Variants in ZNG1B observed in about 807,000 individuals in gnomAD.
ZNG1B encodes zinc-regulated GTPase metalloprotein activator 1B.
the ZNG1B span, among the ~76,000 whole-genome samples, chr2:113,490,313 C>T: frequency 6.6e-6 from 1 of 152,054 alleles, no homozygotes; most frequent in African/African-American, 2.4e-5. Flanking sequence ...AACTGAATGA[C>T]AATAGTGACA....
At chr2:113,480,346 A>G in the ZNG1B span, among the ~76,000 whole-genome samples, 3 of 151,660 alleles carry the variant, frequency 2.0e-5, no homozygotes, top group Admixed American at 6.6e-5. Context: ...GGCTCTCGCT[A>G]CGTTGCTCAG....
the ZNG1B span, among the ~76,000 whole-genome samples, chr2:113,458,365 T>C: frequency 6.6e-6 from 1 of 152,084 alleles, no homozygotes; most frequent in Non-Finnish European, 1.5e-5. Flanking sequence ...ATTTTTTAAA[T>C]GTTTGTATGG....
chr2:113,442,729 T>C, the ZNG1B span, among the ~76,000 whole-genome samples: 1 of 152,176 alleles, frequency 6.6e-6, no homozygotes, highest in East Asian at 1.9e-4. Context: ...GCAACCTCTT[T>C]AGAAGCTCTT....
chr2:113,476,403 CAA>C, the ZNG1B span, among the ~76,000 whole-genome samples: 5 of 150,054 alleles, frequency 3.3e-5, no homozygotes, highest in Non-Finnish European at 5.9e-5. Context: ...AAATTTTTTT[CAA>C]AGTTTTCAAC....
the ZNG1B span, chr2:113,438,081 G>A: frequency 1.9e-6 from 3 of 1,608,144 alleles, no homozygotes; most frequent in Non-Finnish European, 1.7e-6. Flanking sequence ...GATTTTGCGG[G>A]CTGCCGGTGC....
At chr2:113,482,051 T>C in the ZNG1B span, 1 of 995,532 alleles carries the variant, frequency 1.0e-6, no homozygotes, top group South Asian at 1.6e-5. Flanking sequence ...CTTGTAAAAT[T>C]GGAATTACAG....
chr2:113,453,060 G>A, the ZNG1B span: 11 of 1,488,978 alleles, frequency 7.4e-6, no homozygotes, highest in Non-Finnish European at 1.0e-5. Context: ...ATTTTATCAG[G>A]GCAAATTAAA....
At chr2:113,471,838 T>C in the ZNG1B span, among the ~76,000 whole-genome samples, 1 of 151,968 alleles carries the variant, frequency 6.6e-6, no homozygotes, top group Non-Finnish European at 1.5e-5. Flanking sequence ...CTGCATAGTA[T>C]TCCATGGTGT....
chr2:113,440,157 T>G, the ZNG1B span, among the ~76,000 whole-genome samples: 1 of 152,050 alleles, frequency 6.6e-6, no homozygotes, highest in Non-Finnish European at 1.5e-5. Context: ...GTGCTGGGAT[T>G]ACAGGCGTGA....
chr2:113,466,594 A>G, the ZNG1B span: 38 of 985,300 alleles, frequency 3.9e-5, no homozygotes, highest in Non-Finnish European at 4.6e-5. Flanking sequence ...GCATCTGAGA[A>G]TCTAGGGACT....
the ZNG1B span, among the ~76,000 whole-genome samples, chr2:113,488,402 C>T: frequency 6.6e-6 from 1 of 152,086 alleles, no homozygotes; most frequent in African/African-American, 2.4e-5. Flanking sequence ...CTGACAGAGC[C>T]TACCCAAATG....
the ZNG1B span, among the ~76,000 whole-genome samples, chr2:113,479,882 T>C: frequency 1.5e-3 from 223 of 151,012 alleles, no homozygotes; most frequent in Non-Finnish European, 2.5e-3. Flanking sequence ...AGTGCAGTGG[T>C]GCGATGTCAG....
At chr2:113,472,804 G>A in the ZNG1B span, among the ~76,000 whole-genome samples, 1 of 151,768 alleles carries the variant, frequency 6.6e-6, no homozygotes, top group African/African-American at 2.4e-5. Flanking sequence ...GTAGATATGC[G>A]GCGTTATTTC....
At chr2:113,439,772 A>C in the ZNG1B span, among the ~76,000 whole-genome samples, 1 of 149,858 alleles carries the variant, frequency 6.7e-6, no homozygotes, top group African/African-American at 2.5e-5. Context: ...TGTCCCTCTT[A>C]GGTTCTCCAT....
the ZNG1B span, among the ~76,000 whole-genome samples, chr2:113,443,288 A>G: frequency 7.9e-5 from 12 of 151,918 alleles, no homozygotes; most frequent in Non-Finnish European, 1.3e-4. Context: ...CTCAAGATGA[A>G]CTAGGGTTTT....
chr2:113,495,262 G>T, the ZNG1B span: 1 of 1,514,374 alleles, frequency 6.6e-7, no homozygotes, highest in African/African-American at 1.4e-5. Context: ...AAGTCTGAAA[G>T]GATTCACAGT....
At chr2:113,455,727 T>G in the ZNG1B span, 2 of 508,488 alleles carry the variant, frequency 3.9e-6, no homozygotes, top group East Asian at 1.5e-4. Context: ...TGTTAATTTT[T>G]TTTTTTTTTT....
chr2:113,488,671 A>G, the ZNG1B span, among the ~76,000 whole-genome samples: 83 of 151,590 alleles, frequency 5.5e-4, no homozygotes, highest in Non-Finnish European at 1.0e-3. Flanking sequence ...TAAATAAAAA[A>G]CAATCAAAAC....
At chr2:113,437,958 C>T in the ZNG1B span, 980 of 1,611,878 alleles carry the variant, frequency 6.1e-4, no homozygotes, top group Non-Finnish European at 7.9e-4. Context: ...CGACGCAAAG[C>T]GAGGAGGAGG....
Sources: gnomAD v4.1 joint callset for allele counts (sites outside exome capture counted in the v4.1 genomes callset) on GRCh38, gnomAD v4.1.1 for gene constraint, MANE v1.5 for transcripts, NCBI Gene and HGNC (gene_info 2026-07-23, HGNC 2026-07-21) for gene names.